The following SMURF2 variants were observed in gnomAD, a reference collection of about 807,000 sequenced individuals.
SMURF2 encodes SMAD specific E3 ubiquitin protein ligase 2, also known as E3 ubiquitin-protein ligase SMURF2.
In SMURF2, 48 loss-of-function variants were observed where a neutral mutation model predicts 109.6. That is an observed-to-expected ratio of 0.44 (90% CI 0.35 to 0.56). The LOEUF is 0.56. SMURF2 is among the 20% of genes least tolerant of loss of function. The pLI is 0.01. For missense variants in SMURF2, 575 were observed against 909.0 expected, an observed-to-expected ratio of 0.63 and a Z score of 4.72; for synonymous variants, 288 against 317.1, an observed-to-expected ratio of 0.91 and a Z score of 0.97.
At chr17:64,552,219 T>C (rs1555683682) in intron 15 of SMURF2, among the ~76,000 whole-genome samples, 1 of 152,214 alleles carries the variant, frequency 6.6e-6, no homozygotes. Context: ...CAAGCACTTT[T>C]TGATTAAATA....
chr17:64,629,755 C>T (rs1433443593), intron 1 of SMURF2, among the ~76,000 whole-genome samples: 1 of 152,142 alleles, frequency 6.6e-6, no homozygotes, highest in African/African-American at 2.4e-5. Flanking sequence ...AAATTATCTA[C>T]ATGAATTACA....
intron 1 of SMURF2, among the ~76,000 whole-genome samples, chr17:64,661,585 C>A (rs1256698698): frequency 6.6e-6 from 1 of 152,132 alleles, no homozygotes; most frequent in African/African-American, 2.4e-5. Context: ...GCCTGCGATG[C>A]GAACCGGTGT....
intron 3 of SMURF2, among the ~76,000 whole-genome samples, chr17:64,596,350 T>C (rs1969816458): frequency 6.6e-6 from 1 of 151,906 alleles, no homozygotes; most frequent in African/African-American, 2.4e-5. Flanking sequence ...CTCCCATCTG[T>C]GCCTTACATT....
chr17:64,604,393 T>G (rs990562828), intron 2 of SMURF2, among the ~76,000 whole-genome samples: 2 of 152,214 alleles, frequency 1.3e-5, no homozygotes, highest in African/African-American at 4.8e-5. Flanking sequence ...ATTTCCTTCT[T>G]TCTTTCACTT....
At chr17:64,603,815 G>A (rs1015256694) in intron 2 of SMURF2, among the ~76,000 whole-genome samples, 6 of 152,108 alleles carry the variant, frequency 3.9e-5, no homozygotes, top group South Asian at 4.2e-4. Flanking sequence ...CAAGGATAGC[G>A]CCCAATAAAC....
At chr17:64,617,014 C>T (rs782028432) in intron 1 of SMURF2, among the ~76,000 whole-genome samples, 1 of 139,828 alleles carries the variant, frequency 7.2e-6, no homozygotes, top group Non-Finnish European at 1.5e-5. Flanking sequence ...CTGCAGTAAG[C>T]CATGTTCACA....
At chr17:64,652,590 T>G (rs1970654708) in intron 1 of SMURF2, among the ~76,000 whole-genome samples, 1 of 152,316 alleles carries the variant, frequency 6.6e-6, no homozygotes, top group African/African-American at 2.4e-5. Flanking sequence ...TGGGTTCAAG[T>G]GATTCTCTTG....
At chr17:64,615,370 T>G (rs1568196232) in intron 1 of SMURF2, among the ~76,000 whole-genome samples, 2 of 152,218 alleles carry the variant, frequency 1.3e-5, no homozygotes. Flanking sequence ...TGAACACAGA[T>G]TTCTCTGCAT....
chr17:64,615,997 T>C (rs1042378836), intron 1 of SMURF2, among the ~76,000 whole-genome samples: 5 of 151,988 alleles, frequency 3.3e-5, no homozygotes, highest in Admixed American at 2.0e-4. Flanking sequence ...ACTCGGCTAA[T>C]TGCTGTATTT....
intron 1 of SMURF2, among the ~76,000 whole-genome samples, chr17:64,638,206 C>T (rs1057058355): frequency 6.6e-6 from 1 of 151,958 alleles, no homozygotes; most frequent in Non-Finnish European, 1.5e-5. Flanking sequence ...GCTAGGATTA[C>T]AGGCATGTGC....
chr17:64,592,690 A>C (rs1969766547), intron 4 of SMURF2, among the ~76,000 whole-genome samples: 2 of 152,200 alleles, frequency 1.3e-5, no homozygotes, highest in Admixed American at 6.5e-5. Flanking sequence ...TATAGAAACA[A>C]ACACACAAAA....
chr17:64,651,799 T>C (rs1970643801), intron 1 of SMURF2, among the ~76,000 whole-genome samples: 2 of 152,186 alleles, frequency 1.3e-5, no homozygotes, highest in East Asian at 3.9e-4. Flanking sequence ...GATGGATGTT[T>C]GTAACCCAGC....
At chr17:64,612,306 A>G (rs919619811) in intron 1 of SMURF2, among the ~76,000 whole-genome samples, 1 of 152,062 alleles carries the variant, frequency 6.6e-6, no homozygotes, top group Admixed American at 6.6e-5. Flanking sequence ...ACCCTAAAAT[A>G]ATCTAAATAA....
At chr17:64,561,915 G>C (rs1208945034) in intron 11 of SMURF2, among the ~76,000 whole-genome samples, 1 of 152,088 alleles carries the variant, frequency 6.6e-6, no homozygotes, top group Non-Finnish European at 1.5e-5. Flanking sequence ...TGGGAGGACT[G>C]CTTGAGCCCA....
intron 10 of SMURF2, among the ~76,000 whole-genome samples, chr17:64,564,184 G>A (rs1046560008): frequency 1.3e-4 from 20 of 152,138 alleles, no homozygotes; most frequent in Non-Finnish European, 4.4e-5. Context: ...GTTCATAATA[G>A]TTTTATCTGT....
intron 9 of SMURF2, among the ~76,000 whole-genome samples, chr17:64,577,834 A>T (rs1466785918): frequency 6.6e-6 from 1 of 151,868 alleles, no homozygotes; most frequent in Non-Finnish European, 1.5e-5. Context: ...GGCTCAAGTG[A>T]TCCTCATGCC....
At position 64,601,864 on chromosome 17, in the gene SMURF2, G is replaced by A. The variant is rs541490195; in HGVS notation, c.92-3374C>T. On this transcript the variant is annotated intron_variant, in intron 2 of 18. Coordinates refer to ENST00000262435, the MANE Select transcript of SMURF2 (RefSeq NM_022739.4). The stretch of plus-strand genomic sequence containing the variant: ...TGTGTGTGTGTGTATATGTGTGTGT[G>A]TATATATATGTTTATATTATATAAT... 8.8e-5 allele frequency among the ~76,000 whole-genome samples: 13 copies of A among 147,830 alleles called. No homozygotes were observed. The South Asian group carries it at 2.8e-3, about 31-fold the overall frequency.
At chr17:64,634,335 C>T (rs1322060265) in intron 1 of SMURF2, among the ~76,000 whole-genome samples, 1 of 152,164 alleles carries the variant, frequency 6.6e-6, no homozygotes, top group Non-Finnish European at 1.5e-5. Flanking sequence ...CTGGCTTTCT[C>T]CACAAGATAA....
In SMURF2 at chr17:64,661,972, C is replaced by A. The variant is rs1158190564; in HGVS notation, c.-92G>T. 8.9e-7 allele frequency: 1 copy of A among 1,121,112 alleles called. No individual in the cohort carries two copies. The highest frequency in any genetic ancestry group is 1.7e-5 in the African/African-American group (1 of 60,184). The allele number at this position is 1,121,112 out of a possible 1,614,324, so 69.4% of individuals were successfully genotyped here. On this transcript the variant is annotated 5_prime_UTR_variant, in exon 1 of 19. Transcript: ENST00000262435. ...CACCACAGCGGCCGGGGCTGGGGCC[C>A]GAGCAGCCGGCGCCTCGGCCGCCAC... is the stretch of plus-strand genomic sequence containing the variant.
Sources: gnomAD v4.1 joint callset for allele counts (sites outside exome capture counted in the v4.1 genomes callset) on GRCh38, gnomAD v4.1.1 for gene constraint, MANE v1.5 for transcripts, NCBI Gene and HGNC (gene_info 2026-07-23, HGNC 2026-07-21) for gene names.